The following ATG7 variants were observed in gnomAD, a reference collection of about 807,000 sequenced individuals.
ATG7 encodes ubiquitin-like modifier-activating enzyme ATG7.
In ATG7, 70 loss-of-function variants were observed where a neutral mutation model predicts 82.4. That is an observed-to-expected ratio of 0.85 (90% confidence interval 0.70 to 1.04). The LOEUF (loss-of-function observed/expected upper bound fraction) is 1.04. Among genes scored for constraint, ATG7 ranks in the 50% least tolerant of loss-of-function variants. ATG7 has a pLI of 0.00. For synonymous variants in ATG7, 287 were observed against 313.0 expected (o/e 0.92, Z 0.88); for missense variants, 792 against 864.3 (o/e 0.92, Z 1.05).
intron 9 of ATG7, among the ~76,000 whole-genome samples, chr3:11,329,725 A>G (rs1412443342): frequency 6.6e-6 from 1 of 152,198 alleles, no homozygotes; most frequent in African/African-American, 2.4e-5. Flanking sequence ...ATGTACCTTC[A>G]CCCAGTTTCA....
chr3:11,503,334 A>C (rs1009940159), intron 20 of ATG7, among the ~76,000 whole-genome samples: 10 of 152,342 alleles, frequency 6.6e-5, no homozygotes, highest in African/African-American at 2.4e-4. Flanking sequence ...AAGGAGATAA[A>C]AATGTTACAT....
intron 20 of ATG7, among the ~76,000 whole-genome samples, chr3:11,460,420 A>T (rs947182386): frequency 6.6e-6 from 1 of 152,194 alleles, no homozygotes; most frequent in Admixed American, 6.5e-5. Context: ...CCTGGCTCAG[A>T]TGTCGTGAGA....
At chr3:11,513,236 C>T (rs1030544053) in intron 20 of ATG7, among the ~76,000 whole-genome samples, 26 of 152,380 alleles carry the variant, frequency 1.7e-4, no homozygotes, top group East Asian at 1.2e-3. Flanking sequence ...AGTCCTGCGC[C>T]GTGCGTCTGC....
At chr3:11,475,908 C>CACACA (rs59230356) in intron 20 of ATG7, among the ~76,000 whole-genome samples, 2 of 145,560 alleles carry the variant, frequency 1.4e-5, no homozygotes, top group African/African-American at 2.6e-5. Context: ...CACACACACA[C>CACACA]CCCCTCCCAG....
Position 11,315,509 on chromosome 3 carries a change from A to G in ATG7, c.678+16A>G. 3.8e-6 allele frequency: 6 copies of G among 1,560,436 alleles called. No individual in the cohort carries two copies. The highest frequency in any genetic ancestry group is 5.2e-6 in the Non-Finnish European group (6 of 1,157,686). ...AAGGACGAAGGTCAGATAAACTTTG[A>G]GTATCATTTTATTATATAGTTTTTT... On this transcript the variant is annotated intron_variant, in intron 9 of 20. Coordinates refer to ENST00000693202, the MANE Select transcript of ATG7 (RefSeq NM_001349232.2).
chr3:11,395,976 GA>G (rs1291022062), intron 19 of ATG7, among the ~76,000 whole-genome samples: 6 of 140,730 alleles, frequency 4.3e-5, no homozygotes, highest in African/African-American at 1.1e-4. Flanking sequence ...GGTAGGGGGG[GA>G]AGAGTAAAAG....
At chr3:11,339,463 G>C (rs957252661) in intron 11 of ATG7, among the ~76,000 whole-genome samples, 10 of 152,092 alleles carry the variant, frequency 6.6e-5, no homozygotes, top group African/African-American at 2.2e-4. Flanking sequence ...TGTAGGCTGT[G>C]GTGGGGTGAA....
intron 19 of ATG7, among the ~76,000 whole-genome samples, chr3:11,406,650 G>T (rs1274910331): frequency 6.6e-6 from 1 of 152,174 alleles, no homozygotes; most frequent in Non-Finnish European, 1.5e-5. Context: ...CAGACTTACA[G>T]TTCCACATGG....
intron 19 of ATG7, among the ~76,000 whole-genome samples, chr3:11,414,400 A>G (rs1367365795): frequency 6.6e-6 from 1 of 152,102 alleles, no homozygotes; most frequent in Non-Finnish European, 1.5e-5. Flanking sequence ...CCTGCACCCT[A>G]TGTATCCTGC....
At chr3:11,491,888 G>A (rs1191066031) in intron 20 of ATG7, among the ~76,000 whole-genome samples, 1 of 152,228 alleles carries the variant, frequency 6.6e-6, no homozygotes, top group Non-Finnish European at 1.5e-5. Flanking sequence ...GGACATTTAA[G>A]TTTGCAGAGG....
chr3:11,568,726 G>C, the ATG7 span: 1 of 1,542,270 alleles, frequency 6.5e-7, no homozygotes, highest in Non-Finnish European at 8.7e-7. This position sits in a 1 kb window ranked among gnomAD's most constrained non-coding sequence, Gnocchi z 5.9. Flanking sequence ...TCCCGGGGAC[G>C]GCAGAAAACC....
At chr3:11,443,913 C>T (rs770161695) in intron 20 of ATG7, among the ~76,000 whole-genome samples, 2 of 152,272 alleles carry the variant, frequency 1.3e-5, no homozygotes, top group East Asian at 1.9e-4. Context: ...AAAATACTCT[C>T]GTTGCCCTTC....
chr3:11,547,103 AGTGTCTGG>A (rs1453015920), intron 20 of ATG7, among the ~76,000 whole-genome samples: 1 of 152,112 alleles, frequency 6.6e-6, no homozygotes, highest in African/African-American at 2.4e-5. Context: ...TGAATGGAAG[AGTGTCTGG>A]GGCCCAGAGG....
In ATG7 at chr3:11,368,819, TCCCA is replaced by T. The variant is rs566102808; in HGVS notation, c.1875+4087_1875+4090del. Among the ~76,000 whole-genome samples, 129 of 150,890 alleles carry T rather than the reference TCCCA, an allele frequency of 8.5e-4. 5 individuals are homozygous for T. Among genetic ancestry groups the T allele is most frequent in the African/African-American group, 3.2e-3 (129 of 40,910 alleles). The stretch of plus-strand genomic sequence containing the variant: ...TAATTGATGGGGCATTCCTGCTTTA[TCCCA>T]CTTGTGGACCAAGCAGTTCACATCT... On this transcript the variant is annotated intron_variant, in intron 18 of 20. Transcript: ENST00000693202.
chr3:11,411,173 C>G (rs1416741750), intron 19 of ATG7, among the ~76,000 whole-genome samples: 1 of 152,070 alleles, frequency 6.6e-6, no homozygotes, highest in Non-Finnish European at 1.5e-5. Context: ...CACTGTTTTA[C>G]TTGCAGTTCT....
intron 20 of ATG7, among the ~76,000 whole-genome samples, chr3:11,440,571 G>T (rs4543003): frequency 1.3e-5 from 2 of 149,168 alleles, no homozygotes; most frequent in Admixed American, 6.7e-5. Context: ...TGATCCGCCC[G>T]CCTCGGCCTC....
In ATG7 at chr3:11,284,452, T is replaced by G. The variant is rs1943598620; in HGVS notation, c.-11+2014T>G. Among the ~76,000 whole-genome samples, 4 of 152,370 alleles carry G rather than the reference T, an allele frequency of 2.6e-5. No individual in the cohort carries two copies. In the South Asian group the frequency reaches 8.3e-4, roughly 32 times the overall value. On this transcript the variant is annotated intron_variant, in intron 3 of 20. Transcript: ENST00000693202. ...GTAATGAATTGCTTTTTACCAAAGC[T>G]AAATTTAAGTAGGTCATCTGTTAAC... is the stretch of plus-strand genomic sequence containing the variant.
chr3:11,511,942 C>T (rs544445436), intron 20 of ATG7, among the ~76,000 whole-genome samples: 26 of 152,244 alleles, frequency 1.7e-4, no homozygotes, highest in Admixed American at 1.2e-3. Flanking sequence ...GGCCTGCAAG[C>T]GCCGCATGCA....
chr3:11,492,873 C>T (rs954578876), intron 20 of ATG7, among the ~76,000 whole-genome samples: 11 of 152,234 alleles, frequency 7.2e-5, no homozygotes, highest in Non-Finnish European at 1.5e-5. Flanking sequence ...ACGGCAGTGT[C>T]CAGGTGGGGG....
Sources: gnomAD v4.1 joint callset for allele counts (sites outside exome capture counted in the v4.1 genomes callset) on GRCh38, gnomAD v4.1.1 for gene constraint, Gnocchi (gnomAD v3.1) non-coding constraint, MANE v1.5 for transcripts, NCBI Gene and HGNC (gene_info 2026-07-23, HGNC 2026-07-21) for gene names.